Variants in ZGLP1 observed in about 807,000 individuals in gnomAD.
ZGLP1 encodes zinc finger GATA like protein 1, also known as GATA-type zinc finger protein 1.
ZGLP1 carries 11 observed loss-of-function variants against 21.4 expected under a neutral mutation model. That is an observed-to-expected ratio of 0.51 (90% CI 0.32 to 0.85). The LOEUF (loss-of-function observed/expected upper bound fraction) is 0.85, where lower values mean the gene tolerates loss of function less well. Among genes scored for constraint, ZGLP1 ranks in the 40% least tolerant of loss-of-function variants. ZGLP1 has a pLI of 0.03. For missense variants in ZGLP1, 295 were observed against 355.6 expected (o/e 0.83, Z 1.37); for synonymous variants, 148 against 145.0 (o/e 1.02, Z -0.15).
intron 1 of ZGLP1, among the ~76,000 whole-genome samples, chr19:10,306,839 A>G (rs1241140361): frequency 6.6e-6 from 1 of 151,658 alleles, no homozygotes; most frequent in Admixed American, 6.6e-5. Context: ...AAACAAAAGC[A>G]AAAAAAAGCA....
Position 10,308,564 on chromosome 19 carries a change from C to T in ZGLP1, c.118G>A (p.Ala40Thr). Residue 40 changes from alanine to threonine, a missense_variant, in exon 1 of 4, where the codon GCC becomes ACC. Physicochemically the swap from Ala to Thr is moderately conservative, Grantham distance 58. This residue lies in a region of ZGLP1 where 252 missense variants were observed against 264.0 expected (regional missense o/e 0.95). Coordinates refer to ENST00000403903, the Ensembl canonical transcript of ZGLP1. ...GGCCAGAGGGACCTGGGGAGAAGGG[C>T]AGTGGGGTCACGTTTTCTTGGGTGA... 1.9e-6 allele frequency: 3 copies of T among 1,595,830 alleles called. No individual in the cohort carries two copies. Among genetic ancestry groups the T allele is most frequent in the Non-Finnish European group, 2.6e-6 (3 of 1,170,032 alleles).
exon 1 of ZGLP1, chr19:10,308,921 C>T (rs1198946382): frequency 2.9e-6 from 1 of 350,820 alleles, no homozygotes; most frequent in South Asian, 1.1e-4. Context: ...TCACTCTGTA[C>T]CCCCGCCTGG....
exon 1 of ZGLP1, chr19:10,308,426 C>A: frequency 6.2e-7 from 1 of 1,609,220 alleles, no homozygotes; most frequent in Non-Finnish European, 8.5e-7. Flanking sequence ...GTCCCCAGAG[C>A]CATCGGGTCC....
At chr19:10,307,026 C>A (rs899317896) in intron 1 of ZGLP1, among the ~76,000 whole-genome samples, 1 of 151,506 alleles carries the variant, frequency 6.6e-6, no homozygotes, top group Non-Finnish European at 1.5e-5. Flanking sequence ...CCCAGCTACT[C>A]CAGAGGCTGA....
chr19:10,305,746 TG>T lies in ZGLP1; in HGVS notation c.604+99del. 3.1e-6 allele frequency: 3 copies of T among 957,132 alleles called. No individual in the cohort carries two copies. Among genetic ancestry groups the T allele is most frequent in the Non-Finnish European group, 4.7e-6 (3 of 641,408 alleles). The allele number at this position is 957,132 out of a possible 1,614,324, so 59.3% of individuals were successfully genotyped here. A position where few individuals can be genotyped will look rare whatever the true frequency, so the allele number is the denominator to read the frequency against. ...GCGACTCCTCCCTGAGGGCTCTAAA[TG>T]GGGAAGCAAGATGGAGAAGGGGGGG... On this transcript the variant is annotated intron_variant, in intron 2 of 3. Coordinates refer to ENST00000403903, the Ensembl canonical transcript of ZGLP1. The surrounding 1 kb of genome is among the most constrained non-coding windows in gnomAD (Gnocchi z 4.7).
In ZGLP1 at chr19:10,305,669, AGAG is replaced by A. The variant is rs975293468; in HGVS notation, c.604+174_604+176del. On this transcript the variant is annotated intron_variant, in intron 2 of 3. Transcript: ENST00000403903. This position sits in a 1 kb window ranked among gnomAD's most constrained non-coding sequence, Gnocchi z 4.7. Reference sequence around the variant, plus strand: ...AGGGAGACAGATGGCAGCATTCCGCAGAGGAGGAAGCTGGGGGTGGGGGTGACT... The same window carrying A: ...AGGGAGACAGATGGCAGCATTCCGCAGAGGAAGCTGGGGGTGGGGGTGACT... 17 of 735,838 alleles carry A rather than the reference AGAG, an allele frequency of 2.3e-5. No individual in the cohort carries two copies. Among genetic ancestry groups the A allele is most frequent in the African/African-American group, 7.0e-5 (4 of 56,966 alleles). The allele number at this position is 735,838 out of a possible 1,614,324, so 45.6% of individuals were successfully genotyped here.
Position 10,308,337 on chromosome 19 carries a change from GGGCTGCAGACGGC to G in ZGLP1, c.332_344del (p.Arg111ProfsTer17). ...GGGGTGGGGCCGAGGGAGTCCCCGGGGGCTGCAGACGGCGGCCCTTTTGGCTGATCCTGGTCTG... is the reference window on the plus strand; with the variant it reads ...GGGGTGGGGCCGAGGGAGTCCCCGGGGGCCCTTTTGGCTGATCCTGGTCTG... On this transcript the variant is annotated frameshift_variant, in exon 1 of 4. Coordinates refer to ENST00000403903, the Ensembl canonical transcript of ZGLP1. LOFTEE classifies it high-confidence loss of function. The G allele has an allele frequency of 6.2e-7, 1 of 1,610,416 alleles. No homozygotes were observed. Among genetic ancestry groups the G allele is most frequent in the Non-Finnish European group, 8.5e-7 (1 of 1,178,754 alleles).
chr19:10,306,061 A>C (rs2040278021), intron 1 of ZGLP1, 109 bp from the exon 3 acceptor site: 1 of 630,714 alleles, frequency 1.6e-6, no homozygotes. Context: ...CCGAGGAGGC[A>C]ACTAATATCT....
rs939660912 is a variant in ZGLP1 at position 10,305,401 on chromosome 19, G to C, written c.687C>G (p.Ala229=). ...TCCATTCTAAGGACCTGATCCCACA[G>C]GCGTTGCAGAGAGGGGTCCCATCTT... The change falls in exon 3 of 4, where the codon GCC becomes GCG. Residue 229 remains alanine, a synonymous_variant. Coordinates refer to ENST00000403903, the Ensembl canonical transcript of ZGLP1. The surrounding 1 kb of genome is among the most constrained non-coding windows in gnomAD (Gnocchi z 4.7). 1 of 1,594,308 alleles carries C rather than the reference G, an allele frequency of 6.3e-7. No homozygotes were observed. Among genetic ancestry groups the C allele is most frequent in the Non-Finnish European group, 8.5e-7 (1 of 1,170,528 alleles).
exon 1 of ZGLP1, chr19:10,308,489 C>T (rs368514642): frequency 1.2e-6 from 2 of 1,611,670 alleles, no homozygotes; most frequent in South Asian, 2.2e-5. Context: ...CCCAGCCTCT[C>T]CACTGTCTCT....
Sources: gnomAD v4.1 joint callset for allele counts (sites outside exome capture counted in the v4.1 genomes callset) on GRCh38, gnomAD v4.1.1 for gene constraint, gnomAD v4.1.1 regional missense constraint, Gnocchi (gnomAD v3.1) non-coding constraint, MANE v1.5 for transcripts, NCBI Gene and HGNC (gene_info 2026-07-23, HGNC 2026-07-21) for gene names.